The following EML6 variants were observed in gnomAD, a reference collection of about 807,000 sequenced individuals.
The protein encoded by EML6 is EMAP like 6.
A neutral mutation model predicts 240.1 loss-of-function variants in EML6; 154 were observed. The ratio of observed to expected loss-of-function variants is 0.64; its 90% CI spans 0.56 to 0.73. EML6 has a LOEUF of 0.73. Ranked by LOEUF, EML6 falls within the 30% of genes least tolerant of loss-of-function variation. EML6 has a pLI of 0.00. For missense variants in EML6, 2,964 were observed against 2,474.6 expected, an observed-to-expected ratio of 1.20 and a Z score of -4.20; for synonymous variants, 1,148 against 899.0, an observed-to-expected ratio of 1.28 and a Z score of -4.95.
chr2:54,926,065 C>T (rs1437444333), intron 26 of EML6, among the ~76,000 whole-genome samples: 1 of 152,116 alleles, frequency 6.6e-6, no homozygotes, highest in Non-Finnish European at 1.5e-5. Context: ...GAATTTCTTC[C>T]CTACAAGGGA....
intron 2 of EML6, among the ~76,000 whole-genome samples, chr2:54,765,846 C>T (rs1472684723): frequency 6.6e-6 from 1 of 152,158 alleles, no homozygotes; most frequent in Non-Finnish European, 1.5e-5. Flanking sequence ...TATCTACATA[C>T]AATCTACTTT....
intron 2 of EML6, among the ~76,000 whole-genome samples, chr2:54,749,088 G>C (rs1019205903): frequency 6.6e-6 from 1 of 152,174 alleles, no homozygotes. Flanking sequence ...TTGACAAATT[G>C]CCTTTCAAAA....
chr2:54,726,876 T>C (rs1352983293), intron 2 of EML6, among the ~76,000 whole-genome samples: 4 of 151,914 alleles, frequency 2.6e-5, no homozygotes, highest in Non-Finnish European at 5.9e-5. Flanking sequence ...AGGGAGAGAG[T>C]GGCAATTAAA....
intron 22 of EML6, among the ~76,000 whole-genome samples, chr2:54,900,020 T>C (rs996248425): frequency 1.3e-5 from 2 of 152,190 alleles, no homozygotes; most frequent in Non-Finnish European, 2.9e-5. Flanking sequence ...GCACAGATAT[T>C]TGCCACCTGG....
At position 54,957,918 on chromosome 2, in the gene EML6, G is replaced by A. The variant is rs1050372778; in HGVS notation, c.4615G>A (p.Ala1539Thr). The change falls in exon 33 of 42, where the codon GCC becomes ACC. Residue 1539 changes from alanine to threonine, a missense_variant. By Grantham distance (58) the Ala-to-Thr change is moderately conservative. Transcript: ENST00000356458. The stretch of plus-strand genomic sequence containing the variant: ...GAAGTTCTGGACCCTGGCAGGCAGC[G>A]CCTTGCTTTACAAGAAAGGGGTCAT... ...HMKFWTLAGS[A>T]LLYKKGVIGS... The A allele has an allele frequency of 7.7e-6, 12 of 1,551,562 alleles. No individual in the cohort carries two copies. Among genetic ancestry groups the A allele is most frequent in the Middle Eastern group, 3.3e-4 (2 of 5,978 alleles).
chr2:54,905,040 A>T (rs1286863362), intron 24 of EML6, among the ~76,000 whole-genome samples: 2 of 152,162 alleles, frequency 1.3e-5, no homozygotes, highest in Non-Finnish European at 1.5e-5. Flanking sequence ...AAAAGGTACA[A>T]GTCCCAACAA....
intron 5 of EML6, among the ~76,000 whole-genome samples, chr2:54,822,790 T>C (rs1484950208): frequency 1.3e-5 from 2 of 152,156 alleles, no homozygotes; most frequent in African/African-American, 2.4e-5. Flanking sequence ...CCTTGTATAC[T>C]TCATTGTAAA....
intron 28 of EML6, among the ~76,000 whole-genome samples, chr2:54,931,756 C>A (rs1216808289): frequency 1.3e-5 from 2 of 152,170 alleles, no homozygotes; most frequent in Non-Finnish European, 2.9e-5. Flanking sequence ...GAGCTTGGGA[C>A]AACCACTCCA....
chr2:54,732,487 G>T (rs536200797), intron 2 of EML6, among the ~76,000 whole-genome samples: 1 of 152,086 alleles, frequency 6.6e-6, no homozygotes, highest in African/African-American at 2.4e-5. Context: ...GTGAGGTAGG[G>T]GTCCAACTTT....
chr2:54,846,996 C>T (rs1669797301), intron 8 of EML6, among the ~76,000 whole-genome samples: 2 of 146,188 alleles, frequency 1.4e-5, no homozygotes, highest in South Asian at 2.3e-4. Flanking sequence ...CAGCCTTGAA[C>T]TCCTGGGCTT....
At chr2:54,840,262 C>T (rs150176824) in intron 7 of EML6, among the ~76,000 whole-genome samples, 1 of 151,040 alleles carries the variant, frequency 6.6e-6, no homozygotes, top group Non-Finnish European at 1.5e-5. Context: ...GCCATGGATT[C>T]CAGACCTGCC....
chr2:54,801,994 G>A (rs1670177455), intron 2 of EML6, among the ~76,000 whole-genome samples: 1 of 152,196 alleles, frequency 6.6e-6, no homozygotes, highest in South Asian at 2.1e-4. Context: ...GTTGTTGAAT[G>A]TGTTCTTGCA....
chr2:54,882,171 C>T (rs1671850018), intron 17 of EML6: 1 of 152,022 alleles, frequency 6.6e-6, no homozygotes, highest in Admixed American at 6.6e-5. Context: ...TTCAAGATCT[C>T]TGTGAGACGA....
At chr2:54,852,927 G>A (rs1488089140) in intron 10 of EML6, among the ~76,000 whole-genome samples, 2 of 152,212 alleles carry the variant, frequency 1.3e-5, no homozygotes, top group Non-Finnish European at 2.9e-5. Context: ...CTGCTGTGGT[G>A]GGAACTGGGT....
chr2:54,854,303 T>G (rs1330859033), intron 11 of EML6, among the ~76,000 whole-genome samples: 1 of 152,228 alleles, frequency 6.6e-6, no homozygotes, highest in African/African-American at 2.4e-5. Context: ...CCTCTCGTCA[T>G]AGCAGTAATT....
intron 2 of EML6, among the ~76,000 whole-genome samples, chr2:54,808,362 C>T (rs935808566): frequency 1.1e-4 from 17 of 152,314 alleles, no homozygotes; most frequent in African/African-American, 4.1e-4. Flanking sequence ...GTCACTCCCC[C>T]TTCAATCCCC....
intron 2 of EML6, among the ~76,000 whole-genome samples, chr2:54,759,614 A>G (rs1036295038): frequency 7.2e-5 from 11 of 152,128 alleles, no homozygotes; most frequent in African/African-American, 2.7e-4. Context: ...TGGGGGAGAG[A>G]GAAAAACTTT....
intron 2 of EML6, among the ~76,000 whole-genome samples, chr2:54,750,814 A>G (rs953825838): frequency 2.6e-5 from 4 of 152,078 alleles, no homozygotes; most frequent in Non-Finnish European, 4.4e-5. Context: ...GGGTAATGTG[A>G]CCATTTTAGA....
intron 2 of EML6, among the ~76,000 whole-genome samples, chr2:54,759,087 G>T (rs1667865878): frequency 6.6e-6 from 1 of 151,748 alleles, no homozygotes; most frequent in African/African-American, 2.4e-5. Flanking sequence ...CAGTGAAGCA[G>T]CCTCCATTAG....
Sources: gnomAD v4.1 joint callset for allele counts (sites outside exome capture counted in the v4.1 genomes callset) on GRCh38, gnomAD v4.1.1 for gene constraint, MANE v1.5 for transcripts, NCBI Gene and HGNC (gene_info 2026-07-23, HGNC 2026-07-21) for gene names.